Variants in DYDC2 observed in about 807,000 individuals in gnomAD.
DYDC2 encodes the protein DPY30 domain containing 2.
In DYDC2, 19 loss-of-function variants were observed where a neutral mutation model predicts 18.7. The ratio of observed to expected loss-of-function variants is 1.02; its 90% CI spans 0.71 to 1.49. The LOEUF (loss-of-function observed/expected upper bound fraction) is 1.49, where lower values mean the gene tolerates loss of function less well. DYDC2 is among the 40% of genes most tolerant of loss of function. DYDC2 has a pLI of 0.00. For synonymous variants in DYDC2, 63 were observed against 67.6 expected (o/e 0.93, Z 0.34); for missense variants, 179 against 205.1 (o/e 0.87, Z 0.78).
At chr10:80,356,560 G>A (rs1181633945), upstream of DYDC2, 4 of 985,368 alleles carry the variant, frequency 4.1e-6, no homozygotes, top group African/African-American at 1.7e-5. Context: ...GCCGCTTTCG[G>A]GAGCCCCAGG....
At chr10:80,355,251 A>G (rs1026016476), upstream of DYDC2, among the ~76,000 whole-genome samples, 2 of 151,862 alleles carry the variant, frequency 1.3e-5, no homozygotes, top group Non-Finnish European at 2.9e-5. Flanking sequence ...AGCATTTTGC[A>G]TAAAATTTCA....
intron 2 of DYDC2, among the ~76,000 whole-genome samples, chr10:80,358,872 C>A (rs550717770): frequency 6.6e-6 from 1 of 152,098 alleles, no homozygotes; most frequent in African/African-American, 2.4e-5. Flanking sequence ...TTTTGATGTT[C>A]GGATGTGTTC....
chr10:80,357,114 C>A (rs1218696147), intron 1 of DYDC2, among the ~76,000 whole-genome samples: 2 of 134,370 alleles, frequency 1.5e-5, no homozygotes, highest in South Asian at 2.5e-4. Context: ...AGGAGTCGGG[C>A]CTGCGGCAGA....
chr10:80,367,107 G>A lies in DYDC2; in HGVS notation c.*156G>A, dbSNP rs1004486220. The A allele has an allele frequency of 4.7e-6, 4 of 852,950 alleles. No individual in the cohort carries two copies. Among genetic ancestry groups the A allele is most frequent in the Non-Finnish European group, 7.1e-6 (4 of 562,498 alleles). The allele number at this position is 852,950 out of a possible 1,614,324, so 52.8% of individuals were successfully genotyped here. A position where few individuals can be genotyped will look rare whatever the true frequency, so the allele number is the denominator to read the frequency against. ...AAAACCCTTAATCATGTGAACATTTGAACTAGTTATAGGATAAAATAAACT... is the reference window on the plus strand; with the variant it reads ...AAAACCCTTAATCATGTGAACATTTAAACTAGTTATAGGATAAAATAAACT... On this transcript the variant is annotated 3_prime_UTR_variant, in exon 5 of 5. Coordinates refer to ENST00000256039, the MANE Select transcript of DYDC2 (RefSeq NM_032372.6).
chr10:80,346,099 C>T (rs781575564), intron 1 of DYDC2, among the ~76,000 whole-genome samples: 3 of 152,200 alleles, frequency 2.0e-5, no homozygotes, highest in Admixed American at 6.5e-5. Flanking sequence ...CCTCAGGCCT[C>T]GGCCTCCCAA....
intron 2 of DYDC2, among the ~76,000 whole-genome samples, chr10:80,359,614 C>T (rs1034813936): frequency 8.5e-5 from 13 of 152,170 alleles, no homozygotes; most frequent in Admixed American, 6.5e-5. Context: ...TCGGGCATGG[C>T]GGGCTGCATG....
chr10:80,350,060 C>T (rs1015485321), intron 1 of DYDC2, among the ~76,000 whole-genome samples: 1 of 152,104 alleles, frequency 6.6e-6, no homozygotes. Context: ...TTTTCTTCAT[C>T]TCAGCCACAC....
At chr10:80,348,550 T>C (rs1052381951) in intron 1 of DYDC2, among the ~76,000 whole-genome samples, 9 of 152,294 alleles carry the variant, frequency 5.9e-5, no homozygotes, top group African/African-American at 2.2e-4. Context: ...CCCAAACAAA[T>C]TGTCAGTGGA....
At chr10:80,361,179 T>C (rs1843656093) in intron 2 of DYDC2, among the ~76,000 whole-genome samples, 1 of 152,126 alleles carries the variant, frequency 6.6e-6, no homozygotes, top group Admixed American at 6.6e-5. Flanking sequence ...TTTTTTTTCA[T>C]ACCCTCAACA....
chr10:80,356,424 CAGTAT>C, upstream of DYDC2: 1 of 985,456 alleles, frequency 1.0e-6, no homozygotes, highest in Non-Finnish European at 1.2e-6. Context: ...GTGCCAGATA[CAGTAT>C]TGTATCTGGC....
In DYDC2 at chr10:80,362,532, T is replaced by C. The variant is rs757502266; in HGVS notation, c.89T>C (p.Ile30Thr). ...GCGAAGGTTCGGCCCAGTGACCCAA[T>C]AGAATACCTGGCTCACTGGCTTTAT... ...EVAKVRPSDP[I>T]EYLAHWLYHY... The change falls in exon 3 of 5, where the codon ATA (isoleucine) becomes ACA (threonine). Residue 30 changes from isoleucine (I) to threonine (T), a missense_variant. Transcript: ENST00000256039. 208 of 1,614,022 alleles carry C rather than the reference T, an allele frequency of 1.3e-4. No homozygotes were observed. The East Asian group carries it at 4.5e-3, about 35-fold the overall frequency.
intron 1 of DYDC2, among the ~76,000 whole-genome samples, chr10:80,346,581 C>T (rs1416024508): frequency 1.3e-5 from 2 of 151,292 alleles, no homozygotes; most frequent in Non-Finnish European, 2.9e-5. Context: ...CTGTCTCAGC[C>T]TCCTGAGTAG....
At chr10:80,351,384 TG>T (rs1842963140) in intron 1 of DYDC2, among the ~76,000 whole-genome samples, 2 of 151,214 alleles carry the variant, frequency 1.3e-5, no homozygotes, top group Non-Finnish European at 1.5e-5. Context: ...CCTCCACTAC[TG>T]TGCTCTTAAA....
intron 2 of DYDC2, among the ~76,000 whole-genome samples, chr10:80,358,252 C>G (rs1483298626): frequency 6.6e-6 from 1 of 152,184 alleles, no homozygotes; most frequent in Non-Finnish European, 1.5e-5. Flanking sequence ...GTGGCGCACA[C>G]CTGTAATCCC....
At chr10:80,365,779 T>G (rs1843813854) in intron 4 of DYDC2, among the ~76,000 whole-genome samples, 1 of 152,240 alleles carries the variant, frequency 6.6e-6, no homozygotes, top group Admixed American at 6.5e-5. Context: ...TCATGTTTAC[T>G]GACCATTTCT....
upstream of DYDC2, among the ~76,000 whole-genome samples, chr10:80,355,716 T>C (rs1554846701): frequency 6.6e-6 from 1 of 152,190 alleles, no homozygotes; most frequent in Non-Finnish European, 1.5e-5. Context: ...GTATATGGTC[T>C]GTCATCTTTT....
chr10:80,365,935 C>G (rs1487832797), intron 4 of DYDC2, among the ~76,000 whole-genome samples: 2 of 151,852 alleles, frequency 1.3e-5, no homozygotes, highest in Non-Finnish European at 2.9e-5. Flanking sequence ...ACATTATGTC[C>G]ATTTTCTACC....
intron 2 of DYDC2, among the ~76,000 whole-genome samples, chr10:80,358,626 G>A (rs1264394321): frequency 6.6e-6 from 1 of 152,152 alleles, no homozygotes; most frequent in Non-Finnish European, 1.5e-5. Flanking sequence ...CTGCCTTCGG[G>A]GAAGGACAGT....
Position 80,345,157 on chromosome 10 carries a change from T to C in DYDC2, c.-310+342T>C, listed in dbSNP as rs536229557. 2.2e-4 allele frequency among the ~76,000 whole-genome samples: 34 copies of C among 152,352 alleles called. No homozygotes were observed. In the Middle Eastern group the frequency reaches 0.01, roughly 46 times the overall value. On this transcript the variant is annotated intron_variant, in intron 1 of 4. Transcript: ENST00000372197. The stretch of plus-strand genomic sequence containing the variant: ...ATTATGTGTTATTGATCCAGCAGTG[T>C]CAACAGTGACCTTCATTCACTCTTG...
Sources: allele counts gnomAD v4.1 joint callset (sites outside exome capture counted in the v4.1 genomes callset), GRCh38; gene constraint gnomAD v4.1.1; transcripts MANE v1.5; gene names NCBI Gene and HGNC (gene_info 2026-07-23, HGNC 2026-07-21).